RRH: variants seen among roughly 807,000 people sequenced by gnomAD.
The protein encoded by RRH is retinal pigment epithelium-derived rhodopsin homolog.
RRH carries 36 observed loss-of-function variants against 33.1 expected under a neutral mutation model. That is an observed-to-expected ratio of 1.09 (90% CI 0.83 to 1.44). The LOEUF (loss-of-function observed/expected upper bound fraction) is 1.44, where lower values mean the gene tolerates loss of function less well. Ranked by LOEUF, RRH falls within the 40% of genes most tolerant of loss-of-function variation. The pLI, the probability that RRH is intolerant of heterozygous loss-of-function variation, is 0.00. For missense variants in RRH, 393 were observed against 420.2 expected (o/e 0.94, Z 0.57); for synonymous variants, 124 against 140.2 (o/e 0.88, Z 0.82).
chr4:109,828,749 A>G (rs1733688471), intron 1 of RRH, among the ~76,000 whole-genome samples: 1 of 152,088 alleles, frequency 6.6e-6, no homozygotes, highest in Non-Finnish European at 1.5e-5. Context: ...TATATTTGCA[A>G]CTGTGAGCAT....
chr4:109,834,392 T>C (rs924907427), intron 2 of RRH, among the ~76,000 whole-genome samples: 9 of 150,372 alleles, frequency 6.0e-5, no homozygotes, highest in African/African-American at 2.2e-4. Context: ...TGCAGTGGCG[T>C]GATCTCCGCT....
At chr4:109,833,512 C>A (rs1249836744) in intron 2 of RRH, among the ~76,000 whole-genome samples, 183 bp downstream of exon 2, 2 of 152,046 alleles carry the variant, frequency 1.3e-5, no homozygotes, top group African/African-American at 2.4e-5. Flanking sequence ...AATCACCAAC[C>A]ATTGTTATAT....
chr4:109,837,548 C>G lies in RRH; in HGVS notation c.663C>G (p.Thr221=), dbSNP rs1733909538. The change falls in exon 5 of 7, where the codon ACC becomes ACG. Residue 221 remains threonine, a synonymous_variant. Coordinates refer to ENST00000317735, the MANE Select transcript of RRH (RefSeq NM_006583.5). ...CGCTATCCATTAAACATCACACTACCAGTGACTGCACTGAGTCCCTCAACA... is the reference window on the plus strand; with the variant it reads ...CGCTATCCATTAAACATCACACTACGAGTGACTGCACTGAGTCCCTCAACA... ...HVTLSIKHHT[T]SDCTESLNRD... is the part of the protein sequence containing the mutation. 1 of 1,613,760 alleles carries G rather than the reference C, an allele frequency of 6.2e-7. No individual in the cohort carries two copies. Among genetic ancestry groups the G allele is most frequent in the Non-Finnish European group, 8.5e-7 (1 of 1,179,660 alleles).
Position 109,828,051 on chromosome 4 carries a change from C to T in RRH, c.24C>T (p.Asn8=). 1 of 1,611,210 alleles carries T rather than the reference C, an allele frequency of 6.2e-7. No individual in the cohort carries two copies. Among genetic ancestry groups the T allele is most frequent in the Non-Finnish European group, 8.5e-7 (1 of 1,177,576 alleles). ...AAATGCTAAGAAATAATTTAGGCAA[C>T]AGTTCAGACTCTAAAAATGAAGATG... MLRNNLG[N]SSDSKNEDGS... The change falls in exon 1 of 7, where the codon AAC becomes AAT. Residue 8 remains asparagine, a synonymous_variant. Coordinates refer to ENST00000317735, the MANE Select transcript of RRH (RefSeq NM_006583.5).
At chr4:109,832,062 A>T (rs12500239) in intron 1 of RRH, among the ~76,000 whole-genome samples, 27,404 of 150,892 alleles carry the variant, frequency 0.18, 2,973 homozygotes, top group Admixed American at 0.33. Context: ...TCTTTTCTTG[A>T]TGGGGAACTC....
At chr4:109,839,380 A>T (rs1733945329) in intron 5 of RRH, among the ~76,000 whole-genome samples, 1 of 152,222 alleles carries the variant, frequency 6.6e-6, no homozygotes, top group South Asian at 2.1e-4. Flanking sequence ...CAGCCTGATA[A>T]TATCATACAA....
intron 4 of RRH, 102 bp from the exon 5 acceptor site, chr4:109,837,335 T>C (rs1363641992): frequency 9.7e-7 from 1 of 1,029,216 alleles, no homozygotes; most frequent in African/African-American, 1.6e-5. Flanking sequence ...TATTTAGCAA[T>C]ATAATGACTA....
At chr4:109,840,526 T>G (rs1334748517) in intron 5 of RRH, among the ~76,000 whole-genome samples, 1 of 152,198 alleles carries the variant, frequency 6.6e-6, no homozygotes, top group Non-Finnish European at 1.5e-5. Context: ...GGCATCTTCA[T>G]CATGAAATCT....
chr4:109,833,576 A>C (rs1456973524), intron 2 of RRH, among the ~76,000 whole-genome samples: 6 of 152,212 alleles, frequency 3.9e-5, no homozygotes, highest in Non-Finnish European at 8.8e-5. Flanking sequence ...CTAGCATTCA[A>C]CCAAAGGAGA....
At position 109,828,090 on chromosome 4, in the gene RRH, A is replaced by G; in HGVS notation, c.63A>G (p.Ser21=). The G allele has an allele frequency of 6.2e-7, 1 of 1,612,608 alleles. No individual in the cohort carries two copies. Among genetic ancestry groups the G allele is most frequent in the Middle Eastern group, 1.7e-4 (1 of 6,056 alleles). ...AAAATGAAGATGGCTCGGTCTTTTC[A>G]CAGACTGAACACAATATTGTTGCAA... The part of the protein sequence containing the change: ...DSKNEDGSVF[S]QTEHNIVATY... The change falls in exon 1 of 7, where the codon TCA becomes TCG. Residue 21 remains serine, a synonymous_variant. Coordinates refer to ENST00000317735, the MANE Select transcript of RRH (RefSeq NM_006583.5).
chr4:109,832,868 A>C (rs1248964234), intron 1 of RRH, among the ~76,000 whole-genome samples: 2 of 152,150 alleles, frequency 1.3e-5, no homozygotes, highest in Non-Finnish European at 2.9e-5. Flanking sequence ...AGTTTCAAGG[A>C]CAGAACACTC....
At chr4:109,828,263 G>A in intron 1 of RRH, 130 bp downstream of exon 1, 1 of 657,520 alleles carries the variant, frequency 1.5e-6, no homozygotes, top group East Asian at 2.9e-5. Context: ...ATCCTGACTT[G>A]GCTTGCTCGT....
Position 109,844,361 on chromosome 4 carries a change from G to A in RRH, c.*164G>A. 1.8e-6 allele frequency: 1 copy of A among 562,718 alleles called. No individual in the cohort carries two copies. The highest frequency in any genetic ancestry group is 3.3e-5 in the East Asian group (1 of 29,870). 34.9% of individuals were successfully genotyped at this position (562,718 alleles called of 1,614,324 possible). ...CTTCTGTTTGTGCACTCTGGCTGCT[G>A]TAGTGTATGCTTCTCTGTGTCCTGA... On this transcript the variant is annotated 3_prime_UTR_variant, in exon 7 of 7. Transcript: ENST00000317735.
At chr4:109,831,463 A>G (rs1420339761) in intron 1 of RRH, among the ~76,000 whole-genome samples, 3 of 152,202 alleles carry the variant, frequency 2.0e-5, no homozygotes, top group Non-Finnish European at 4.4e-5. Flanking sequence ...CCACATGAAA[A>G]GACAAGGAAA....
At chr4:109,831,544 G>A (rs962598883) in intron 1 of RRH, among the ~76,000 whole-genome samples, 3 of 152,166 alleles carry the variant, frequency 2.0e-5, no homozygotes, top group Admixed American at 6.6e-5. Flanking sequence ...GAAATTTAGG[G>A]AGGAGAGGAT....
chr4:109,831,948 G>A (rs1052374863), intron 1 of RRH, among the ~76,000 whole-genome samples: 3 of 152,018 alleles, frequency 2.0e-5, no homozygotes, highest in African/African-American at 7.3e-5. Flanking sequence ...AGTTCTGACT[G>A]AAGTGCCAAG....
chr4:109,835,402 A>G lies in RRH; in HGVS notation c.334A>G (p.Ser112Gly), dbSNP rs765337387. The G allele has an allele frequency of 3.1e-6, 5 of 1,614,118 alleles. No homozygotes were observed. In the South Asian group the frequency reaches 5.5e-5, roughly 18 times the overall value. ...ATTGAATATTTTTTTTGGAATGGCA[A>G]GCATTGGATTACTCACGGTCGTGGC... ...AGLNIFFGMA[S>G]IGLLTVVAVD... Residue 112 changes from serine (S) to glycine (G), a missense_variant, in exon 3 of 7, where the codon AGC becomes GGC. Coordinates refer to ENST00000317735, the MANE Select transcript of RRH (RefSeq NM_006583.5).
chr4:109,838,672 T>C (rs1733932997), intron 5 of RRH, among the ~76,000 whole-genome samples: 1 of 152,216 alleles, frequency 6.6e-6, no homozygotes, highest in Non-Finnish European at 1.5e-5. Context: ...GAATTCTAGG[T>C]GCAAAAGTAA....
chr4:109,832,528 GT>G (rs1733779480), intron 1 of RRH, among the ~76,000 whole-genome samples: 1 of 130,858 alleles, frequency 7.6e-6, no homozygotes, highest in African/African-American at 2.6e-5. Context: ...GTGTGTGTGT[GT>G]GTGTTGGAAT....
Sources: gnomAD v4.1 joint callset for allele counts (sites outside exome capture counted in the v4.1 genomes callset) on GRCh38, gnomAD v4.1.1 for gene constraint, MANE v1.5 for transcripts, NCBI Gene and HGNC (gene_info 2026-07-23, HGNC 2026-07-21) for gene names.